Variants in MYBPC2 observed in about 807,000 individuals in gnomAD.
MYBPC2 encodes the protein myosin-binding protein C, fast-type.
MYBPC2 carries 122 observed loss-of-function variants against 137.0 expected under a neutral mutation model. The observed-to-expected ratio is 0.89, with a 90% CI of 0.77 to 1.03. MYBPC2 has a LOEUF of 1.03. Among genes scored for constraint, MYBPC2 ranks in the 50% least tolerant of loss-of-function variants. The probability of loss-of-function intolerance (pLI) is 0.00; values close to 1 mark genes in which losing one functional copy is unlikely to be tolerated. For synonymous variants in MYBPC2, 626 were observed against 612.3 expected (o/e 1.02, Z -0.33); for missense variants, 1,500 against 1,534.4 (o/e 0.98, Z 0.37).
chr19:50,452,458 A>G (rs1300508481), intron 16 of MYBPC2, among the ~76,000 whole-genome samples: 72 of 151,750 alleles, frequency 4.7e-4, no homozygotes, highest in Middle Eastern at 3.4e-3. Context: ...CTATCTATCT[A>G]TGTATCTGTG....
rs750699085 is a variant in MYBPC2, at chr19:50,460,184, G to C, written c.2931+5G>C. The C allele has an allele frequency of 1.2e-6, 2 of 1,600,832 alleles. No individual in the cohort carries two copies. The highest frequency in any genetic ancestry group is 2.2e-5 in the East Asian group (1 of 44,488). Reference sequence around the variant, plus strand: ...AAAGCAGACAAAAAAACCATGGTGAGAGAGCAGAGGGGGAGATGGGGAAGA... The same window carrying C: ...AAAGCAGACAAAAAAACCATGGTGACAGAGCAGAGGGGGAGATGGGGAAGA... On this transcript the variant is annotated splice_donor_5th_base_variant and intron_variant, in intron 24 of 27. Coordinates refer to ENST00000357701, the MANE Select transcript of MYBPC2 (RefSeq NM_004533.4).
intron 24 of MYBPC2, 47 bp downstream of exon 24, chr19:50,460,226 G>A (rs1274902718): frequency 2.6e-6 from 4 of 1,556,446 alleles, no homozygotes; most frequent in Non-Finnish European, 3.5e-6. Context: ...GAGGTGGGCA[G>A]AGCAGGTGCA....
At position 50,436,675 on chromosome 19, in the gene MYBPC2, G is replaced by T. The variant is rs373378823; in HGVS notation, c.404G>T (p.Arg135Leu). Reference protein sequence around the residue: ...KVVLGDRGYYRLEVKAKDTCD... With the variant: ...KVVLGDRGYYLLEVKAKDTCD... Reference sequence around the variant, plus strand: ...GTACTGGGGGACCGTGGGTATTACCGCCTCGAGGTCAAAGCCAAGGACACC... The same window carrying T: ...GTACTGGGGGACCGTGGGTATTACCTCCTCGAGGTCAAAGCCAAGGACACC... The change falls in exon 5 of 28, where the codon CGC becomes CTC. Residue 135 changes from arginine (R) to leucine (L), a missense_variant. Physicochemically the swap from Arg to Leu is moderately radical, Grantham distance 102. Coordinates refer to ENST00000357701, the MANE Select transcript of MYBPC2 (RefSeq NM_004533.4). The T allele has an allele frequency of 9.4e-5, 151 of 1,613,818 alleles. No homozygotes were observed. Among genetic ancestry groups the T allele is most frequent in the Non-Finnish European group, 1.2e-4 (139 of 1,179,840 alleles).
intron 7 of MYBPC2, among the ~76,000 whole-genome samples, chr19:50,440,323 A>AAAATAAAATAAATAAATAAAT (rs140643143): frequency 1.0e-3 from 144 of 139,102 alleles, no homozygotes; most frequent in Non-Finnish European, 1.3e-3. Flanking sequence ...CTGTGGAAAT[A>AAAATAAAATAAATAAATAAAT]AAATAAATAA....
chr19:50,448,362 A>G lies in MYBPC2; in HGVS notation c.1444A>G (p.Lys482Glu). 1 of 1,613,738 alleles carries G rather than the reference A, an allele frequency of 6.2e-7. No individual in the cohort carries two copies. Among genetic ancestry groups the G allele is most frequent in the Non-Finnish European group, 8.5e-7 (1 of 1,179,702 alleles). Residue 482 changes from lysine to glutamate, a missense_variant, in exon 13 of 28, where the codon AAG becomes GAG. Coordinates refer to ENST00000357701, the MANE Select transcript of MYBPC2 (RefSeq NM_004533.4). ...GAATGGGGTCGAGGTGCGGCCCAGCAAGAGGATCACCATTTCCCATGTAGG... is the reference window on the plus strand; with the variant it reads ...GAATGGGGTCGAGGTGCGGCCCAGCGAGAGGATCACCATTTCCCATGTAGG... ...YKNGVEVRPSKRITISHVGRF... is the reference protein window; with the variant it reads ...YKNGVEVRPSERITISHVGRF...
At chr19:50,453,573 T>G (rs111881284) in intron 16 of MYBPC2, among the ~76,000 whole-genome samples, 3,432 of 151,760 alleles carry the variant, frequency 0.023, 128 homozygotes, top group African/African-American at 0.078. Flanking sequence ...GGAGTTTTGC[T>G]CTTGTTGCCC....
intron 1 of MYBPC2, among the ~76,000 whole-genome samples, chr19:50,433,805 G>T (rs2039679061): frequency 6.7e-6 from 1 of 149,352 alleles, no homozygotes; most frequent in Non-Finnish European, 1.5e-5. Context: ...GCCAGGTGCA[G>T]GGGCTCACGC....
At chr19:50,452,431 C>CTATA (rs1265051882) in intron 16 of MYBPC2, among the ~76,000 whole-genome samples, 9 of 151,100 alleles carry the variant, frequency 6.0e-5, no homozygotes, top group African/African-American at 2.2e-4. Context: ...TATAATCTAT[C>CTATA]TAATCTATCT....
At chr19:50,447,373 C>T (rs1023715534) in intron 12 of MYBPC2, among the ~76,000 whole-genome samples, 4 of 152,044 alleles carry the variant, frequency 2.6e-5, no homozygotes, top group African/African-American at 4.8e-5. Context: ...TAAAAAACAA[C>T]GAACTCAAGT....
chr19:50,437,051 A>C (rs2039710320), intron 5 of MYBPC2, among the ~76,000 whole-genome samples: 1 of 151,974 alleles, frequency 6.6e-6, no homozygotes, highest in Non-Finnish European at 1.5e-5. Context: ...AGGTTTAGAG[A>C]AGAAGGATGT....
At chr19:50,437,411 C>G in intron 5 of MYBPC2, 62 bp from the exon 6 acceptor site, 1 of 1,527,406 alleles carries the variant, frequency 6.5e-7, no homozygotes, top group Non-Finnish European at 8.9e-7. Flanking sequence ...GAGAGGGGCT[C>G]TCAGTCTAAG....
At position 50,455,112 on chromosome 19, in the gene MYBPC2, C is replaced by A. The variant is rs1447293867; in HGVS notation, c.2019C>A (p.Tyr673Ter). 1 of 1,611,462 alleles carries A rather than the reference C, an allele frequency of 6.2e-7. No homozygotes were observed. The highest frequency in any genetic ancestry group is 8.5e-7 in the Non-Finnish European group (1 of 1,179,098). The change falls in exon 19 of 28, where the codon TAC (tyrosine) becomes TAA (stop). Residue 673 changes from tyrosine (Y) to a stop codon, truncating the protein, a stop_gained. Transcript: ENST00000357701. LOFTEE classifies it high-confidence loss of function. ...MYDGGKPVTGYLVERKKKGSQ... is the reference protein window; with the variant it reads ...MYDGGKPVTG ...CTCTCTGCTTGGAGCCTCCAGGGTA[C>A]CTCGTAGAGCGGAAGAAGAAGGGCT... is the stretch of plus-strand genomic sequence containing the variant.
In MYBPC2 at chr19:50,465,882, C is replaced by T. The variant is rs2040011412; in HGVS notation, c.3416-313C>T. 6.6e-6 allele frequency among the ~76,000 whole-genome samples: 1 copy of T among 152,112 alleles called. No individual in the cohort carries two copies. The highest frequency in any genetic ancestry group is 2.4e-5 in the African/African-American group (1 of 41,430). On this transcript the variant is annotated intron_variant, in intron 27 of 27. Transcript: ENST00000357701. This position sits in a 1 kb window ranked among gnomAD's most constrained non-coding sequence, Gnocchi z 4.5. ...AAAAACACCCCAGATCACTGCCCTT[C>T]CAAGCCCACCCAATTTCTGATACTC...
intron 1 of MYBPC2, among the ~76,000 whole-genome samples, chr19:50,434,175 T>C (rs1389821521): frequency 6.6e-6 from 1 of 152,048 alleles, no homozygotes; most frequent in Non-Finnish European, 1.5e-5. Context: ...CTGGCCAACA[T>C]GGCAAAACCC....
chr19:50,459,219 G>T lies in MYBPC2; in HGVS notation c.2704G>T (p.Ala902Ser). ...CGACACCGTGTTCTTCGTGCGCCAG[G>T]CGGCCCGCTCCGACTCCGGGGAGTA... ...DFDTVFFVRQAARSDSGEYEL... is the reference protein window; with the variant it reads ...DFDTVFFVRQSARSDSGEYEL... The change falls in exon 23 of 28, where the codon GCG becomes TCG. Residue 902 changes from alanine (A) to serine (S), a missense_variant. Physicochemically the swap from Ala to Ser is moderately conservative, Grantham distance 99. Transcript: ENST00000357701. The T allele has an allele frequency of 6.2e-7, 1 of 1,611,202 alleles. No individual in the cohort carries two copies.
At position 50,454,332 on chromosome 19, in the gene MYBPC2, G is replaced by A. The variant is rs1167767316; in HGVS notation, c.1977G>A (p.Trp659Ter). 6 of 1,613,274 alleles carry A rather than the reference G, an allele frequency of 3.7e-6. No individual in the cohort carries two copies. Among genetic ancestry groups the A allele is most frequent in the Non-Finnish European group, 5.1e-6 (6 of 1,179,674 alleles). Reference sequence around the variant, plus strand: ...GAGAGGATTGGGCCATCCTTGTCTGGGAGCCACCAATGTACGATGGGGGGA... The same window carrying A: ...GAGAGGATTGGGCCATCCTTGTCTGAGAGCCACCAATGTACGATGGGGGGA... ...SVGEDWAILV[W>*]EPPMYDGGKP... is the part of the protein sequence containing the mutation. The change falls in exon 18 of 28, where the codon TGG becomes TGA. Residue 659 changes from tryptophan (W) to a stop codon, truncating the protein, a stop_gained. Coordinates refer to ENST00000357701, the MANE Select transcript of MYBPC2 (RefSeq NM_004533.4). LOFTEE classifies it high-confidence loss of function.
At chr19:50,445,731 A>C (rs1389994650) in intron 11 of MYBPC2, 149 bp from the exon 12 acceptor site, 1 of 765,650 alleles carries the variant, frequency 1.3e-6, no homozygotes, top group Non-Finnish European at 2.1e-6. Flanking sequence ...CCCGTCCACC[A>C]CTCAAGATGC....
chr19:50,457,923 G>A (rs916016046), intron 20 of MYBPC2, among the ~76,000 whole-genome samples: 3 of 150,308 alleles, frequency 2.0e-5, no homozygotes, highest in Non-Finnish European at 4.4e-5. Flanking sequence ...CAAGTGATCT[G>A]CCCACCTCAG....
chr19:50,453,048 G>T (rs918680442), intron 16 of MYBPC2, among the ~76,000 whole-genome samples: 3 of 152,094 alleles, frequency 2.0e-5, no homozygotes, highest in African/African-American at 7.2e-5. Context: ...TCCGCACCAG[G>T]CACTGAGGAT....
Sources: allele counts gnomAD v4.1 joint callset (sites outside exome capture counted in the v4.1 genomes callset), GRCh38; gene constraint gnomAD v4.1.1; non-coding constraint Gnocchi (gnomAD v3.1); transcripts MANE v1.5; gene names NCBI Gene and HGNC (gene_info 2026-07-23, HGNC 2026-07-21).